The following LPP variants were observed in gnomAD, a reference collection of about 807,000 sequenced individuals.
LPP encodes lipoma-preferred partner.
A neutral mutation model predicts 60.4 loss-of-function variants in LPP; 38 were observed. The observed-to-expected ratio is 0.63, with a 90% CI of 0.49 to 0.83. The LOEUF (loss-of-function observed/expected upper bound fraction) is 0.83, where lower values mean the gene tolerates loss of function less well. Ranked by LOEUF, LPP falls within the 40% of genes least tolerant of loss-of-function variation. The pLI, the probability that LPP is intolerant of heterozygous loss-of-function variation, is 0.00. For synonymous variants in LPP, 328 were observed against 290.8 expected (o/e 1.13, Z -1.30); for missense variants, 902 against 783.6 (o/e 1.15, Z -1.80).
At chr3:188,796,399 AGTACAGGAAAGCC>A in intron 9 of LPP, among the ~76,000 whole-genome samples, 1 of 152,202 alleles carries the variant, frequency 6.6e-6, no homozygotes, top group East Asian at 1.9e-4. Context: ...TTTTCCCAAA[AGTACAGGAAAGCC>A]TAGCCATTTT....
At chr3:188,446,036 TTTTTCA>T (rs1795151873) in intron 4 of LPP, among the ~76,000 whole-genome samples, 3 of 152,348 alleles carry the variant, frequency 2.0e-5, no homozygotes, top group African/African-American at 7.2e-5. Flanking sequence ...ACTGTTTTTC[TTTTTCA>T]GTAAGAGCCT....
intron 2 of LPP, among the ~76,000 whole-genome samples, chr3:188,317,973 C>T (rs1184987219): frequency 6.6e-6 from 1 of 152,016 alleles, no homozygotes; most frequent in Admixed American, 6.6e-5. Flanking sequence ...GTCTTTGGAC[C>T]CTGTGTATCT....
chr3:188,816,765 A>C (rs1752597182), intron 9 of LPP, among the ~76,000 whole-genome samples: 1 of 152,238 alleles, frequency 6.6e-6, no homozygotes, highest in Non-Finnish European at 1.5e-5. Context: ...AGGATTTGGG[A>C]ACCCAAGACC....
chr3:188,669,321 A>G (rs939082810), intron 7 of LPP, among the ~76,000 whole-genome samples: 7 of 152,202 alleles, frequency 4.6e-5, no homozygotes, highest in Non-Finnish European at 1.5e-5. Context: ...TCACACCTGT[A>G]ATCCCAGCAC....
intron 5 of LPP, among the ~76,000 whole-genome samples, chr3:188,504,649 T>A (rs73890534): frequency 0.016 from 2,365 of 152,304 alleles, 55 homozygotes; most frequent in African/African-American, 0.053. Flanking sequence ...TTAGCTTTTT[T>A]TGTTAACTTG....
intron 9 of LPP, among the ~76,000 whole-genome samples, chr3:188,854,609 T>C (rs975397614): frequency 2.0e-5 from 3 of 152,230 alleles, no homozygotes; most frequent in Non-Finnish European, 4.4e-5. Context: ...CTCTAGAGAA[T>C]TGAAGTTAGC....
At chr3:188,450,804 T>C (rs903721018) in intron 4 of LPP, among the ~76,000 whole-genome samples, 1 of 152,072 alleles carries the variant, frequency 6.6e-6, no homozygotes, top group Non-Finnish European at 1.5e-5. Flanking sequence ...CTACTTGTAA[T>C]ACTGTAGAGT....
At chr3:188,544,412 TAAC>T (rs1388713841) in intron 6 of LPP, among the ~76,000 whole-genome samples, 6 of 152,340 alleles carry the variant, frequency 3.9e-5, no homozygotes, top group African/African-American at 1.4e-4. Flanking sequence ...ATGAACATAT[TAAC>T]TTTTCTTTAT....
At chr3:188,166,837 A>C (rs1720105592) in intron 1 of LPP, among the ~76,000 whole-genome samples, 1 of 150,294 alleles carries the variant, frequency 6.7e-6, no homozygotes, top group East Asian at 2.0e-4. Flanking sequence ...TGAATGAATG[A>C]ATAATATATA....
intron 7 of LPP, among the ~76,000 whole-genome samples, chr3:188,663,619 T>C (rs1282407846): frequency 6.6e-6 from 1 of 152,194 alleles, no homozygotes; most frequent in Non-Finnish European, 1.5e-5. Context: ...TGTTACCATC[T>C]TCTGACCCAA....
chr3:188,487,653 G>A (rs985075466), intron 5 of LPP, among the ~76,000 whole-genome samples: 4 of 152,216 alleles, frequency 2.6e-5, no homozygotes, highest in Non-Finnish European at 5.9e-5. Flanking sequence ...TTGTGCAGAA[G>A]TGACTTAGAT....
chr3:188,802,541 G>A (rs1747594599), intron 9 of LPP, among the ~76,000 whole-genome samples: 1 of 152,284 alleles, frequency 6.6e-6, no homozygotes, highest in East Asian at 1.9e-4. Flanking sequence ...CCAGGACTTC[G>A]TGAGGCCGAG....
chr3:188,305,595 A>G (rs563164035), intron 2 of LPP, among the ~76,000 whole-genome samples: 14 of 152,196 alleles, frequency 9.2e-5, no homozygotes, highest in Admixed American at 2.0e-4. Context: ...ACACACACAC[A>G]AACACACAGA....
At chr3:188,705,542 C>T (rs1029284861) in intron 7 of LPP, among the ~76,000 whole-genome samples, 88 of 152,154 alleles carry the variant, frequency 5.8e-4, no homozygotes, top group African/African-American at 2.1e-3. Flanking sequence ...ATACTGGCAA[C>T]CATTCATCCA....
chr3:188,397,444 T>A (rs9834159), intron 3 of LPP, among the ~76,000 whole-genome samples: 93,341 of 151,936 alleles, frequency 0.61, 29,958 homozygotes, highest in African/African-American at 0.81. Flanking sequence ...TGTGGCAAAC[T>A]AAAGGCCACT....
chr3:188,560,596 C>T (rs995725340), intron 6 of LPP, among the ~76,000 whole-genome samples: 1 of 152,102 alleles, frequency 6.6e-6, no homozygotes, highest in Non-Finnish European at 1.5e-5. Context: ...CCTTAGTTCT[C>T]TCCAGAGATA....
chr3:188,733,228 A>T (rs1036885913), intron 8 of LPP, among the ~76,000 whole-genome samples: 1 of 151,938 alleles, frequency 6.6e-6, no homozygotes, highest in Non-Finnish European at 1.5e-5. Flanking sequence ...CTGCAGAGTG[A>T]CTACGTCTAC....
intron 3 of LPP, among the ~76,000 whole-genome samples, chr3:188,397,014 G>A (rs1178162622): frequency 6.6e-6 from 1 of 152,214 alleles, no homozygotes; most frequent in African/African-American, 2.4e-5. Context: ...AATGTGACCT[G>A]GAATGCAAGG....
chr3:188,237,590 A>G (rs866435635), intron 2 of LPP, among the ~76,000 whole-genome samples: 3 of 152,244 alleles, frequency 2.0e-5, no homozygotes, highest in Non-Finnish European at 4.4e-5. Context: ...AGAAAACAAC[A>G]TTAATCTCTT....
Sources: allele counts gnomAD v4.1 joint callset (sites outside exome capture counted in the v4.1 genomes callset), GRCh38; gene constraint gnomAD v4.1.1; transcripts MANE v1.5; gene names NCBI Gene and HGNC (gene_info 2026-07-23, HGNC 2026-07-21).